Variants in MAPRE3 observed in about 807,000 individuals in gnomAD.
MAPRE3 encodes microtubule associated protein RP/EB family member 3, also known as microtubule-associated protein RP/EB family member 3.
MAPRE3 carries 2 observed loss-of-function variants against 30.5 expected under a neutral mutation model. That is an observed-to-expected ratio of 0.07 (90% confidence interval 0.03 to 0.21). MAPRE3 has a LOEUF of 0.21. MAPRE3 is among the 10% of genes least tolerant of loss of function. The pLI is 1.00. For missense variants in MAPRE3, 204 were observed against 351.8 expected (o/e 0.58, Z 3.36); for synonymous variants, 110 against 127.7 (o/e 0.86, Z 0.93).
chr2:26,982,605 C>A (rs947503416), intron 1 of MAPRE3, among the ~76,000 whole-genome samples: 1 of 152,238 alleles, frequency 6.6e-6, no homozygotes, highest in Non-Finnish European at 1.5e-5. Context: ...TAAATGGACT[C>A]TCTATAAACA....
chr2:27,001,443 C>T (rs1227020471), intron 1 of MAPRE3, among the ~76,000 whole-genome samples: 1 of 152,118 alleles, frequency 6.6e-6, no homozygotes, highest in Non-Finnish European at 1.5e-5. Context: ...GAGTTAGAGA[C>T]AGCAGTGAGC....
At chr2:27,018,798 T>C (rs1667044326) in intron 1 of MAPRE3, among the ~76,000 whole-genome samples, 1 of 152,178 alleles carries the variant, frequency 6.6e-6, no homozygotes, top group African/African-American at 2.4e-5. Flanking sequence ...TAGGCAGTTA[T>C]TATCCACCAA....
At chr2:27,000,247 G>A (rs964768478) in intron 1 of MAPRE3, among the ~76,000 whole-genome samples, 3 of 152,188 alleles carry the variant, frequency 2.0e-5, no homozygotes, top group African/African-American at 7.2e-5. Flanking sequence ...GGTGAGTACT[G>A]TGAGACAGTG....
intron 1 of MAPRE3, among the ~76,000 whole-genome samples, chr2:26,997,085 T>G (rs1480571952): frequency 6.6e-6 from 1 of 152,186 alleles, no homozygotes; most frequent in East Asian, 1.9e-4. Flanking sequence ...CTTATCTTTT[T>G]GGGAAGATAT....
At chr2:27,025,094 C>G (rs1490479336) in intron 4 of MAPRE3, among the ~76,000 whole-genome samples, 1 of 152,182 alleles carries the variant, frequency 6.6e-6, no homozygotes, top group African/African-American at 2.4e-5. Flanking sequence ...TGTGCAGATA[C>G]CTGGTCCAGC....
chr2:27,018,584 A>G (rs572324442), intron 1 of MAPRE3, among the ~76,000 whole-genome samples: 1 of 152,160 alleles, frequency 6.6e-6, no homozygotes, highest in Non-Finnish European at 1.5e-5. Flanking sequence ...GACAGGGACA[A>G]ATCTTTTCAA....
At chr2:26,973,120 A>AAT (rs1469886709) in intron 1 of MAPRE3, among the ~76,000 whole-genome samples, 1 of 152,228 alleles carries the variant, frequency 6.6e-6, no homozygotes, top group Non-Finnish European at 1.5e-5. Context: ...ACCAGATCAA[A>AAT]ATATATATGC....
chr2:27,026,534 TG>T lies in MAPRE3; in HGVS notation c.*188del. The T allele has an allele frequency of 3.6e-6, 2 of 557,194 alleles. No homozygotes were observed. 34.5% of individuals were successfully genotyped at this position (557,194 alleles called of 1,614,324 possible). A position where few individuals can be genotyped will look rare whatever the true frequency, so the allele number is the denominator to read the frequency against. Reference sequence around the variant, plus strand: ...AAAGCAGGCAGAAGCCCGTCCTGGGTGGTGCTGGCCCAGTTGGTGGGACCCC... The same window carrying T: ...AAAGCAGGCAGAAGCCCGTCCTGGGTGTGCTGGCCCAGTTGGTGGGACCCC... On this transcript the variant is annotated 3_prime_UTR_variant, in exon 7 of 7. Transcript: ENST00000233121.
chr2:26,989,255 G>A (rs982505264), intron 1 of MAPRE3, among the ~76,000 whole-genome samples: 4 of 152,112 alleles, frequency 2.6e-5, no homozygotes, highest in Non-Finnish European at 5.9e-5. Context: ...AGAAACACCC[G>A]CTAGGCTCCA....
intron 1 of MAPRE3, among the ~76,000 whole-genome samples, chr2:26,996,323 C>CT (rs1049183760): frequency 1.3e-5 from 2 of 151,644 alleles, no homozygotes; most frequent in Admixed American, 6.6e-5. Flanking sequence ...CCCCACTAAT[C>CT]TTTTTTATTT....
chr2:27,023,290 G>A (rs2148228910), intron 2 of MAPRE3, 42 bp from the exon 3 acceptor site: 2 of 1,567,844 alleles, frequency 1.3e-6, no homozygotes, highest in Non-Finnish European at 1.7e-6. Context: ...GCTCACAGAA[G>A]GAGAGCAGCA....
chr2:27,007,822 G>A (rs1015936114), intron 1 of MAPRE3, among the ~76,000 whole-genome samples: 1 of 152,190 alleles, frequency 6.6e-6, no homozygotes, highest in African/African-American at 2.4e-5. Flanking sequence ...TGTAAAATAT[G>A]CAGCTTCAGG....
Position 27,022,583 on chromosome 2 carries a change from A to G in MAPRE3, c.121+244A>G, listed in dbSNP as rs148013056. 94 of 462,328 alleles carry G rather than the reference A, an allele frequency of 2.0e-4. No individual in the cohort carries two copies. The Middle Eastern group carries it at 2.4e-3, about 12-fold the overall frequency. 28.6% of individuals were successfully genotyped at this position (462,328 alleles called of 1,614,324 possible). On this transcript the variant is annotated intron_variant, in intron 2 of 6. Transcript: ENST00000233121. Reference sequence around the variant, plus strand: ...TGGTATAGCCTACTACTCCTAGGCTAAAAACATGGACAGCATGTTTCTGTA... The same window carrying G: ...TGGTATAGCCTACTACTCCTAGGCTGAAAACATGGACAGCATGTTTCTGTA...
At chr2:27,009,453 TCTG>T (rs994576186) in intron 1 of MAPRE3, among the ~76,000 whole-genome samples, 1 of 152,244 alleles carries the variant, frequency 6.6e-6, no homozygotes, top group African/African-American at 2.4e-5. Context: ...TATAAAATCC[TCTG>T]CAGAATTATA....
chr2:27,025,520 C>T (rs1667217511), intron 4 of MAPRE3, 63 bp from the exon 5 acceptor site: 1 of 1,497,086 alleles, frequency 6.7e-7, no homozygotes, highest in African/African-American at 1.4e-5. Context: ...TCACACCAGG[C>T]TGTCTCCTGC....
In MAPRE3 at chr2:27,025,979, A is replaced by T. The variant is rs751282252; in HGVS notation, c.724A>T (p.Ser242Cys). The change falls in exon 6 of 7, where the codon AGT becomes TGT. Residue 242 changes from serine to cysteine, a missense_variant. Ser to Cys is a moderately radical substitution (Grantham distance 112, BLOSUM62 -1). This residue lies in a region of MAPRE3 where 42 missense variants were observed against 81.2 expected (regional missense o/e 0.52). Coordinates refer to ENST00000233121, the MANE Select transcript of MAPRE3 (RefSeq NM_012326.4). ...CGAGCTCATCTGCCAGGAGCATGAA[A>T]GTGAAAACAGCCCTGTTATCTCAGG... ...DIELICQEHE[S>C]ENSPVISGII... 6.2e-7 allele frequency: 1 copy of T among 1,614,242 alleles called. No individual in the cohort carries two copies. Among genetic ancestry groups the T allele is most frequent in the South Asian group, 1.1e-5 (1 of 91,088 alleles).
intron 1 of MAPRE3, among the ~76,000 whole-genome samples, chr2:27,002,305 T>C (rs1666617897): frequency 6.6e-6 from 1 of 152,238 alleles, no homozygotes; most frequent in South Asian, 2.1e-4. Flanking sequence ...TTTTCATTAT[T>C]GTAAACATGC....
In MAPRE3 at chr2:27,023,318, A is replaced by G. The variant is rs747318995; in HGVS notation, c.122-14A>G. The G allele has an allele frequency of 6.3e-7, 1 of 1,591,864 alleles. No individual in the cohort carries two copies. The highest frequency in any genetic ancestry group is 1.3e-5 in the African/African-American group (1 of 74,520). ...GAGCAGCAAGACCCCTCAGCCAGCCATCCTTCTCCACAGGGGCAGCCTACT... is the reference window on the plus strand; with the variant it reads ...GAGCAGCAAGACCCCTCAGCCAGCCGTCCTTCTCCACAGGGGCAGCCTACT... On this transcript the variant is annotated splice_polypyrimidine_tract_variant and intron_variant, in intron 2 of 6. Transcript: ENST00000233121.
intron 6 of MAPRE3, 117 bp from the exon 7 acceptor site, chr2:27,026,163 C>A: frequency 7.2e-7 from 1 of 1,384,768 alleles, no homozygotes. Flanking sequence ...AGCCCAGGGT[C>A]ACCCATTAGC....
Sources: allele counts gnomAD v4.1 joint callset (sites outside exome capture counted in the v4.1 genomes callset), GRCh38; gene constraint gnomAD v4.1.1; regional missense constraint gnomAD v4.1.1; transcripts MANE v1.5; gene names NCBI Gene and HGNC (gene_info 2026-07-23, HGNC 2026-07-21).